DSCAML1: variants seen among roughly 807,000 people sequenced by gnomAD.
DSCAML1 encodes the protein DS cell adhesion molecule like 1, also known as cell adhesion molecule DSCAML1.
A neutral mutation model predicts 200.5 loss-of-function variants in DSCAML1; 38 were observed. The observed-to-expected ratio is 0.19, with a 90% CI of 0.15 to 0.25. The LOEUF (loss-of-function observed/expected upper bound fraction) is 0.25. Ranked by LOEUF, DSCAML1 falls within the 10% of genes least tolerant of loss-of-function variation. The probability of loss-of-function intolerance (pLI) is 1.00; values close to 1 mark genes in which losing one functional copy is unlikely to be tolerated. For missense variants in DSCAML1, 2,223 were observed against 2,858.8 expected (o/e 0.78, Z 5.07); for synonymous variants, 1,215 against 1,165.0 (o/e 1.04, Z -0.87).
chr11:117,789,617 G>A (rs556737803), intron 1 of DSCAML1, among the ~76,000 whole-genome samples: 10 of 152,248 alleles, frequency 6.6e-5, no homozygotes, highest in South Asian at 4.1e-4. Flanking sequence ...GCACCGAAAC[G>A]ATGTCATTCG....
At chr11:117,588,171 T>C (rs2051187183) in intron 3 of DSCAML1, among the ~76,000 whole-genome samples, 1 of 152,058 alleles carries the variant, frequency 6.6e-6, no homozygotes, top group African/African-American at 2.4e-5. Context: ...ATATAGCTAA[T>C]AGAGGACAGA....
intron 3 of DSCAML1, among the ~76,000 whole-genome samples, chr11:117,699,631 C>T (rs189685369): frequency 2.8e-3 from 420 of 152,316 alleles, no homozygotes; most frequent in African/African-American, 9.8e-3. Context: ...TCTCAGGTTG[C>T]TCCCCACTGA....
At chr11:117,476,299 A>C (rs548886180) in intron 14 of DSCAML1, among the ~76,000 whole-genome samples, 1 of 152,292 alleles carries the variant, frequency 6.6e-6, no homozygotes, top group African/African-American at 2.4e-5. Context: ...CTTGGAGAAA[A>C]GCCACATCTG....
chr11:117,481,503 G>A, intron 12 of DSCAML1, among the ~76,000 whole-genome samples: 1 of 146,046 alleles, frequency 6.8e-6, no homozygotes, highest in East Asian at 2.1e-4. Context: ...GGGCTGAGGA[G>A]TCCTAGGGGA....
At chr11:117,708,818 G>A (rs1238110930) in intron 3 of DSCAML1, among the ~76,000 whole-genome samples, 2 of 152,198 alleles carry the variant, frequency 1.3e-5, no homozygotes, top group African/African-American at 4.8e-5. Flanking sequence ...ACTCCAGAGA[G>A]CCAGACACAT....
intron 3 of DSCAML1, among the ~76,000 whole-genome samples, chr11:117,614,476 C>G (rs1390529091): frequency 6.6e-6 from 1 of 152,206 alleles, no homozygotes; most frequent in Non-Finnish European, 1.5e-5. Context: ...GCCACATTAT[C>G]TAATCAAAAA....
chr11:117,760,003 C>G (rs2054772045), intron 3 of DSCAML1, among the ~76,000 whole-genome samples: 1 of 152,128 alleles, frequency 6.6e-6, no homozygotes, highest in African/African-American at 2.4e-5. Context: ...CACCTGACCC[C>G]TCCCATCTCC....
intron 3 of DSCAML1, among the ~76,000 whole-genome samples, chr11:117,755,732 A>G (rs771794946): frequency 2.0e-5 from 3 of 152,218 alleles, no homozygotes; most frequent in Non-Finnish European, 2.9e-5. Flanking sequence ...TCAGATGATC[A>G]GTTTTCCCCA....
intron 3 of DSCAML1, among the ~76,000 whole-genome samples, chr11:117,656,113 CT>C (rs2052729370): frequency 6.6e-6 from 1 of 152,228 alleles, no homozygotes; most frequent in Non-Finnish European, 1.5e-5. Context: ...TGGCGTACGC[CT>C]GTAATCTCAG....
chr11:117,560,125 C>T (rs55741146), intron 3 of DSCAML1, among the ~76,000 whole-genome samples: 1 of 151,758 alleles, frequency 6.6e-6, no homozygotes, highest in Non-Finnish European at 1.5e-5. Context: ...CCACTTTGAC[C>T]AGGGACACAG....
intron 3 of DSCAML1, among the ~76,000 whole-genome samples, chr11:117,603,199 G>A (rs1161027007): frequency 3.3e-5 from 5 of 152,240 alleles, no homozygotes; most frequent in Non-Finnish European, 7.3e-5. Context: ...TGGCTATGGT[G>A]GGAAATTAGA....
chr11:117,554,758 C>T (rs560250404), intron 3 of DSCAML1, among the ~76,000 whole-genome samples: 13 of 152,308 alleles, frequency 8.5e-5, no homozygotes, highest in African/African-American at 3.1e-4. Context: ...GTGTTGCAAT[C>T]ATGAGGATGG....
At chr11:117,767,658 T>A (rs763189930) in intron 3 of DSCAML1, among the ~76,000 whole-genome samples, 5 of 152,154 alleles carry the variant, frequency 3.3e-5, no homozygotes, top group African/African-American at 1.2e-4. Context: ...CTGACTGCCT[T>A]GATGAGGGAA....
chr11:117,481,355 C>G, intron 12 of DSCAML1, 85 bp from the exon 13 acceptor site: 2 of 1,358,858 alleles, frequency 1.5e-6, no homozygotes, highest in Admixed American at 1.7e-5. Context: ...CACTCCAGGG[C>G]TCTCAGCAAG....
Position 117,780,636 on chromosome 11 carries a change from C to T in DSCAML1, c.221G>A (p.Arg74Gln), listed in dbSNP as rs757571006. The part of the protein sequence containing the change: ...GDDIYDVPHI[R>Q]HVHANGTLQL... ...CAGCGTCCCGTTGGCGTGGACGTGCCGGATGTGCGGCACGTCGTAGATGTC... is the reference window on the plus strand; with the variant it reads ...CAGCGTCCCGTTGGCGTGGACGTGCTGGATGTGCGGCACGTCGTAGATGTC... Residue 74 changes from arginine (R) to glutamine (Q), a missense_variant, in exon 2 of 33, where the codon CGG becomes CAG. This residue lies in a region of DSCAML1 where 579 missense variants were observed against 721.5 expected (regional missense o/e 0.80). Transcript: ENST00000651296. This position sits in a 1 kb window ranked among gnomAD's most constrained non-coding sequence, Gnocchi z 4.8. 4.4e-6 allele frequency: 7 copies of T among 1,587,692 alleles called. No individual in the cohort carries two copies. The highest frequency in any genetic ancestry group is 1.7e-4 in the Middle Eastern group (1 of 6,040).
intron 8 of DSCAML1, among the ~76,000 whole-genome samples, chr11:117,514,572 C>CTTTTTTTTTTTTTTT (rs532136039): frequency 6.1e-5 from 6 of 98,290 alleles, no homozygotes; most frequent in Non-Finnish European, 7.6e-5. Context: ...TTTTCTTTTT[C>CTTTTTTTTTTTTTTT]TTTTTTTTTT....
At chr11:117,458,956 G>T in intron 18 of DSCAML1, 47 bp from the exon 19 acceptor site, 1 of 1,591,176 alleles carries the variant, frequency 6.3e-7, no homozygotes. Context: ...ATCGGGCTGT[G>T]GCCCCTGCTG....
chr11:117,750,033 C>T (rs1030651308), intron 3 of DSCAML1, among the ~76,000 whole-genome samples: 2 of 152,172 alleles, frequency 1.3e-5, no homozygotes, highest in South Asian at 2.1e-4. Flanking sequence ...GAGAAGGGTA[C>T]CCTAGAAATT....
intron 3 of DSCAML1, among the ~76,000 whole-genome samples, chr11:117,699,368 G>C (rs1460075103): frequency 1.3e-5 from 2 of 152,176 alleles, no homozygotes; most frequent in African/African-American, 4.8e-5. Flanking sequence ...AGGTCCAGGC[G>C]AGTGGCTCAG....
Sources: gnomAD v4.1 joint callset for allele counts (sites outside exome capture counted in the v4.1 genomes callset) on GRCh38, gnomAD v4.1.1 for gene constraint, gnomAD v4.1.1 regional missense constraint, Gnocchi (gnomAD v3.1) non-coding constraint, MANE v1.5 for transcripts, NCBI Gene and HGNC (gene_info 2026-07-23, HGNC 2026-07-21) for gene names.